The following MYO16 variants were observed in gnomAD, a reference collection of about 807,000 sequenced individuals.
MYO16 encodes the protein unconventional myosin-XVI.
MYO16 carries 94 observed loss-of-function variants against 205.3 expected under a neutral mutation model. The observed-to-expected ratio is 0.46, with a 90% CI of 0.39 to 0.54. The LOEUF is 0.54. Among genes scored for constraint, MYO16 ranks in the 20% least tolerant of loss-of-function variants. MYO16 has a pLI of 0.00. For synonymous variants in MYO16, 988 were observed against 954.0 expected, an observed-to-expected ratio of 1.04 and a Z score of -0.66; for missense variants, 2,315 against 2,387.5, an observed-to-expected ratio of 0.97 and a Z score of 0.63.
chr13:108,557,204 G>A, the MYO16 span, among the ~76,000 whole-genome samples: 1 of 152,112 alleles, frequency 6.6e-6, no homozygotes, highest in Non-Finnish European at 1.5e-5. Context: ...CATTGAATAT[G>A]TAGATTACTT....
intron 1 of MYO16, among the ~76,000 whole-genome samples, chr13:108,632,456 T>C (rs1466383577): frequency 6.6e-6 from 1 of 152,160 alleles, no homozygotes; most frequent in East Asian, 1.9e-4. Context: ...TCAGGTGGGA[T>C]GCTGGGTGAC....
At chr13:109,133,748 AT>A (rs775263587) in intron 31 of MYO16, among the ~76,000 whole-genome samples, 8 of 152,368 alleles carry the variant, frequency 5.3e-5, no homozygotes, top group Non-Finnish European at 1.0e-4. Context: ...GAACAAAAAA[AT>A]AAGAAAACTC....
At chr13:109,202,098 C>CATTG (rs1410553983) in intron 34 of MYO16, among the ~76,000 whole-genome samples, 1 of 152,060 alleles carries the variant, frequency 6.6e-6, no homozygotes, top group Non-Finnish European at 1.5e-5. Context: ...TTTATCCACT[C>CATTG]ATTGATTGAT....
At chr13:108,956,606 C>G (rs925267453) in intron 16 of MYO16, among the ~76,000 whole-genome samples, 2 of 152,152 alleles carry the variant, frequency 1.3e-5, no homozygotes, top group Non-Finnish European at 2.9e-5. Context: ...TCCAATTTTG[C>G]ACACATGGAT....
the MYO16 span, among the ~76,000 whole-genome samples, chr13:108,557,271 C>A: frequency 6.6e-6 from 1 of 152,048 alleles, no homozygotes; most frequent in African/African-American, 2.4e-5. Flanking sequence ...ACATAGGATT[C>A]TTTTTATTTA....
At chr13:109,098,734 A>C (rs1403132427) in intron 27 of MYO16, among the ~76,000 whole-genome samples, 1 of 152,128 alleles carries the variant, frequency 6.6e-6, no homozygotes, top group Non-Finnish European at 1.5e-5. Flanking sequence ...TTTGGTGCAA[A>C]TTTGGCTTTA....
intron 1 of MYO16, among the ~76,000 whole-genome samples, chr13:108,660,086 A>C (rs938753739): frequency 4.6e-5 from 7 of 152,204 alleles, no homozygotes; most frequent in Admixed American, 4.6e-4. Flanking sequence ...TGGGCAACAG[A>C]GCAAGACCCC....
intron 4 of MYO16, among the ~76,000 whole-genome samples, chr13:108,750,115 G>A (rs1001597760): frequency 1.3e-5 from 2 of 152,212 alleles, no homozygotes; most frequent in African/African-American, 4.8e-5. Flanking sequence ...AAGAGGAAAG[G>A]CGAATAGGTG....
chr13:108,686,895 A>G (rs1352830460), intron 2 of MYO16, among the ~76,000 whole-genome samples: 1 of 152,144 alleles, frequency 6.6e-6, no homozygotes, highest in Non-Finnish European at 1.5e-5. Context: ...AAGGCAGGGG[A>G]AGGCATGGGT....
chr13:108,901,079 T>G (rs868372571), intron 15 of MYO16, among the ~76,000 whole-genome samples: 1 of 152,128 alleles, frequency 6.6e-6, no homozygotes, highest in African/African-American at 2.4e-5. Flanking sequence ...TAAATTTTGG[T>G]CAGACCGGTT....
At chr13:108,572,663 T>C in the MYO16 span, among the ~76,000 whole-genome samples, 1 of 152,172 alleles carries the variant, frequency 6.6e-6, no homozygotes, top group Non-Finnish European at 1.5e-5. Context: ...TCCTTTATCG[T>C]TTTTTTGTGA....
Position 109,206,959 on chromosome 13 carries a change from G to C in MYO16, c.*123G>C, listed in dbSNP as rs1432738137. On this transcript the variant is annotated 3_prime_UTR_variant, in exon 35 of 35. Transcript: ENST00000457511. ...CACGCATTTAGACAAAAAAAGCACAGGACACAGACACTAAATATATGAGAT... is the reference window on the plus strand; with the variant it reads ...CACGCATTTAGACAAAAAAAGCACACGACACAGACACTAAATATATGAGAT... The C allele has an allele frequency of 4.0e-6, 3 of 743,158 alleles. No individual in the cohort carries two copies. In the African/African-American group the frequency reaches 5.3e-5, roughly 13 times the overall value. 46.0% of individuals were successfully genotyped at this position (743,158 alleles called of 1,614,324 possible).
intron 4 of MYO16, among the ~76,000 whole-genome samples, chr13:108,776,733 C>T (rs1167674110): frequency 6.6e-6 from 1 of 152,196 alleles, no homozygotes; most frequent in Non-Finnish European, 1.5e-5. Context: ...GCTATCCTTG[C>T]ACCAGTAATA....
chr13:109,174,292 T>C (rs59254215), intron 33 of MYO16, among the ~76,000 whole-genome samples: 1 of 152,264 alleles, frequency 6.6e-6, no homozygotes, highest in African/African-American at 2.4e-5. Flanking sequence ...CCATAAATGA[T>C]GATGACAGGT....
At chr13:108,668,331 T>C (rs1039959628) in intron 2 of MYO16, among the ~76,000 whole-genome samples, 1 of 152,120 alleles carries the variant, frequency 6.6e-6, no homozygotes, top group African/African-American at 2.4e-5. Context: ...AGCTAGGGTG[T>C]GGTGAGAAAT....
intron 4 of MYO16, among the ~76,000 whole-genome samples, chr13:108,733,065 A>G (rs1205982488): frequency 6.6e-6 from 1 of 152,190 alleles, no homozygotes; most frequent in Non-Finnish European, 1.5e-5. Context: ...CAAGTTCTTC[A>G]GGAAGTCATC....
chr13:108,736,574 C>T (rs1238328510), intron 4 of MYO16, among the ~76,000 whole-genome samples: 3 of 152,084 alleles, frequency 2.0e-5, no homozygotes, highest in East Asian at 1.9e-4. Context: ...AGTCAGGTAG[C>T]GTGATGCCTC....
At chr13:108,560,988 T>A in the MYO16 span, among the ~76,000 whole-genome samples, 1 of 152,200 alleles carries the variant, frequency 6.6e-6, no homozygotes. Flanking sequence ...CATAATCTTT[T>A]ATGATACATT....
intron 12 of MYO16, among the ~76,000 whole-genome samples, chr13:108,879,376 A>G (rs1879490471): frequency 6.6e-6 from 1 of 151,982 alleles, no homozygotes; most frequent in Non-Finnish European, 1.5e-5. Flanking sequence ...TTTTTTTATT[A>G]TTATACTTTA....
Sources: allele counts gnomAD v4.1 joint callset (sites outside exome capture counted in the v4.1 genomes callset), GRCh38; gene constraint gnomAD v4.1.1; transcripts MANE v1.5; gene names NCBI Gene and HGNC (gene_info 2026-07-23, HGNC 2026-07-21).